The following DGKB variants were observed in gnomAD, a reference collection of about 807,000 sequenced individuals.
DGKB encodes 90 kDa diacylglycerol kinase.
DGKB carries 67 observed loss-of-function variants against 114.3 expected under a neutral mutation model. That is an observed-to-expected ratio of 0.59 (90% CI 0.48 to 0.72). The LOEUF (loss-of-function observed/expected upper bound fraction) is 0.72, where lower values mean the gene tolerates loss of function less well. Ranked by LOEUF, DGKB falls within the 30% of genes least tolerant of loss-of-function variation. The pLI, the probability that DGKB is intolerant of heterozygous loss-of-function variation, is 0.00. For synonymous variants in DGKB, 398 were observed against 323.1 expected (o/e 1.23, Z -2.49); for missense variants, 907 against 975.2 (o/e 0.93, Z 0.93).
chr7:14,637,839 C>T (rs150124823), intron 13 of DGKB, among the ~76,000 whole-genome samples: 1 of 151,682 alleles, frequency 6.6e-6, no homozygotes, highest in Non-Finnish European at 1.5e-5. Context: ...CAGTTGCCTG[C>T]TGAAAATATT....
intron 23 of DGKB, among the ~76,000 whole-genome samples, chr7:14,265,679 G>C (rs10251276): frequency 0.16 from 24,326 of 151,810 alleles, 2,490 homozygotes; most frequent in East Asian, 0.32. Flanking sequence ...CTTTCCCTTA[G>C]ATTCTCAGAA....
intron 20 of DGKB, among the ~76,000 whole-genome samples, chr7:14,486,615 G>A (rs1338232652): frequency 5.9e-5 from 9 of 152,154 alleles, no homozygotes; most frequent in Admixed American, 2.6e-4. Context: ...AAGAAAGAGG[G>A]CAAGGGAACT....
At chr7:14,749,132 G>A (rs1037104451) in intron 4 of DGKB, among the ~76,000 whole-genome samples, 1 of 152,056 alleles carries the variant, frequency 6.6e-6, no homozygotes, top group African/African-American at 2.4e-5. Context: ...TATGCAGCAT[G>A]GCTATCTTAC....
chr7:14,660,224 G>A (rs1263247917), intron 13 of DGKB, among the ~76,000 whole-genome samples: 1 of 151,942 alleles, frequency 6.6e-6, no homozygotes, highest in East Asian at 1.9e-4. Context: ...CCCGGCTTTG[G>A]TATCAGGATG....
At chr7:14,261,991 C>T (rs138762726) in intron 23 of DGKB, among the ~76,000 whole-genome samples, 29 of 152,272 alleles carry the variant, frequency 1.9e-4, no homozygotes, top group Admixed American at 9.8e-4. Context: ...ATGTGCTATA[C>T]GCACTGCAGA....
chr7:14,689,208 T>TTTTTTTATTTA (rs1822324428), intron 9 of DGKB, among the ~76,000 whole-genome samples: 1 of 109,774 alleles, frequency 9.1e-6, no homozygotes, highest in Non-Finnish European at 2.0e-5. Context: ...TATTTTTTTT[T>TTTTTTTATTTA]TTTTTTTTTT....
chr7:14,318,969 G>C (rs1228127079), intron 23 of DGKB, among the ~76,000 whole-genome samples: 1 of 152,086 alleles, frequency 6.6e-6, no homozygotes, highest in East Asian at 1.9e-4. Context: ...AAAAAATGAT[G>C]CGTTCATGTC....
chr7:14,679,141 G>A (rs1325117822), intron 12 of DGKB, among the ~76,000 whole-genome samples: 1 of 151,878 alleles, frequency 6.6e-6, no homozygotes, highest in East Asian at 1.9e-4. Context: ...TCCTTCTACA[G>A]GAGAGAGAGA....
chr7:14,364,476 A>T (rs1423015109), intron 21 of DGKB, among the ~76,000 whole-genome samples: 1 of 152,032 alleles, frequency 6.6e-6, no homozygotes, highest in Non-Finnish European at 1.5e-5. Flanking sequence ...GAAAATCTGT[A>T]TTCTTTTTGT....
intron 13 of DGKB, among the ~76,000 whole-genome samples, chr7:14,647,030 A>G (rs1813171085): frequency 6.6e-6 from 1 of 151,952 alleles, no homozygotes; most frequent in African/African-American, 2.4e-5. Flanking sequence ...AACAAAATGA[A>G]AAGTTAGTTT....
intron 20 of DGKB, among the ~76,000 whole-genome samples, chr7:14,525,388 T>A (rs1208936499): frequency 1.3e-5 from 2 of 152,196 alleles, no homozygotes. Flanking sequence ...ATATTCTTAG[T>A]TTGAGTTAGA....
intron 2 of DGKB, among the ~76,000 whole-genome samples, chr7:14,829,327 A>G (rs186640918): frequency 6.6e-6 from 1 of 152,256 alleles, no homozygotes. Context: ...TACTTGTATA[A>G]TCAGATAAAA....
At chr7:14,382,873 AG>A (rs1563067531) in intron 21 of DGKB, among the ~76,000 whole-genome samples, 1 of 152,202 alleles carries the variant, frequency 6.6e-6, no homozygotes, top group Non-Finnish European at 1.5e-5. Context: ...AATGGTGCCC[AG>A]TGGGCAGCAA....
At chr7:14,178,409 CCAAA>C (rs1453028436) in intron 23 of DGKB, among the ~76,000 whole-genome samples, 28 of 95,272 alleles carry the variant, frequency 2.9e-4, no homozygotes, top group African/African-American at 1.9e-3. Context: ...CCAAATAATA[CCAAA>C]AAAAAAAAAA....
At chr7:14,304,609 T>TCC (rs1369645365) in intron 23 of DGKB, among the ~76,000 whole-genome samples, 5 of 152,272 alleles carry the variant, frequency 3.3e-5, no homozygotes, top group African/African-American at 1.2e-4. Flanking sequence ...CACAGATATT[T>TCC]CCCCTGGTAG....
At chr7:14,400,482 A>G (rs1303631809) in intron 21 of DGKB, among the ~76,000 whole-genome samples, 3 of 151,866 alleles carry the variant, frequency 2.0e-5, no homozygotes, top group Non-Finnish European at 1.5e-5. Context: ...TCATCTTGCC[A>G]GTGTAGAAAT....
intron 21 of DGKB, among the ~76,000 whole-genome samples, chr7:14,378,876 A>T (rs1025783909): frequency 1.3e-5 from 2 of 152,090 alleles, no homozygotes; most frequent in African/African-American, 4.8e-5. Flanking sequence ...AAGGGAAAAA[A>T]CAATCTATGT....
At chr7:14,464,972 A>G (rs1030128686) in intron 21 of DGKB, among the ~76,000 whole-genome samples, 7 of 152,130 alleles carry the variant, frequency 4.6e-5, no homozygotes, top group Admixed American at 3.9e-4. Flanking sequence ...TAGGTCACTA[A>G]GTTGTGATAT....
At chr7:14,952,718 C>A (rs1235098402) in intron 1 of DGKB, among the ~76,000 whole-genome samples, 1 of 151,894 alleles carries the variant, frequency 6.6e-6, no homozygotes, top group African/African-American at 2.4e-5. Context: ...GAGATCATGC[C>A]ACTGCACTCC....
Sources: allele counts gnomAD v4.1 joint callset (sites outside exome capture counted in the v4.1 genomes callset), GRCh38; gene constraint gnomAD v4.1.1; transcripts MANE v1.5; gene names NCBI Gene and HGNC (gene_info 2026-07-23, HGNC 2026-07-21).